RBMS3: variants seen among roughly 807,000 people sequenced by gnomAD.
RBMS3 encodes RNA binding motif single stranded interacting protein 3, also known as RNA-binding motif, single-stranded-interacting protein 3.
A neutral mutation model predicts 66.8 loss-of-function variants in RBMS3; 27 were observed. That is an observed-to-expected ratio of 0.40 (90% CI 0.30 to 0.56). The LOEUF is 0.56. Among genes scored for constraint, RBMS3 ranks in the 20% least tolerant of loss-of-function variants. The probability of loss-of-function intolerance (pLI) is 0.40; values close to 1 mark genes in which losing one functional copy is unlikely to be tolerated. For missense variants in RBMS3, 513 were observed against 549.5 expected, an observed-to-expected ratio of 0.93 and a Z score of 0.66; for synonymous variants, 188 against 183.0, an observed-to-expected ratio of 1.03 and a Z score of -0.22.
intron 1 of RBMS3, among the ~76,000 whole-genome samples, chr3:29,385,663 C>T (rs1057035013): frequency 6.6e-6 from 1 of 152,130 alleles, no homozygotes; most frequent in Non-Finnish European, 1.5e-5. Flanking sequence ...ACTGACCTTG[C>T]CATATTCTTG....
intron 14 of RBMS3, among the ~76,000 whole-genome samples, chr3:29,995,468 T>C (rs1310184332): frequency 4.6e-5 from 7 of 151,894 alleles, no homozygotes; most frequent in Admixed American, 6.6e-5. Context: ...ATTGTCAGAT[T>C]CACCAAAGTT....
At chr3:29,565,480 C>T (rs1199053518) in intron 3 of RBMS3, among the ~76,000 whole-genome samples, 1 of 152,052 alleles carries the variant, frequency 6.6e-6, no homozygotes, top group African/African-American at 2.4e-5. Context: ...TATTTTTTGT[C>T]TCTTCAAGAT....
chr3:29,415,328 A>G (rs888823005), intron 1 of RBMS3, among the ~76,000 whole-genome samples: 2 of 152,220 alleles, frequency 1.3e-5, no homozygotes, highest in Non-Finnish European at 2.9e-5. Context: ...GCATTAAATT[A>G]TTATAAATTT....
At chr3:29,708,172 A>G (rs759014353) in intron 4 of RBMS3, among the ~76,000 whole-genome samples, 6 of 149,986 alleles carry the variant, frequency 4.0e-5, no homozygotes, top group Non-Finnish European at 8.8e-5. Flanking sequence ...TACCTTATAT[A>G]AGAAGAAGAC....
At chr3:29,291,101 G>C (rs2032774617) in intron 1 of RBMS3, among the ~76,000 whole-genome samples, 1 of 151,892 alleles carries the variant, frequency 6.6e-6, no homozygotes, top group South Asian at 2.1e-4. Context: ...AGAAGACTAA[G>C]TGGAACAATG....
intron 3 of RBMS3, among the ~76,000 whole-genome samples, chr3:29,507,566 G>A (rs563408697): frequency 2.6e-5 from 4 of 152,126 alleles, no homozygotes; most frequent in Admixed American, 6.5e-5. Context: ...GATGGCTTCT[G>A]ACAATGTTTT....
rs891591243 is a variant in RBMS3 at position 30,007,686 on chromosome 3, T to C, written c.*3824T>C. On this transcript the variant is annotated 3_prime_UTR_variant, in exon 15 of 15. Transcript: ENST00000383767. The stretch of plus-strand genomic sequence containing the variant: ...GTGCTGATGACAGTTTGTCCTTGAA[T>C]GCTGACATGTCTTGAATATTGCAAA... 1 of 152,102 alleles carries C rather than the reference T, an allele frequency of 6.6e-6. No individual in the cohort carries two copies. Among genetic ancestry groups the C allele is most frequent in the Non-Finnish European group, 1.5e-5 (1 of 67,972 alleles). The allele number at this position is 152,102 out of a possible 1,614,324, so 9.4% of individuals were successfully genotyped here.
rs531689140 is a variant in RBMS3, at chr3:29,585,222, C to T, written c.308-1892C>T. On this transcript the variant is annotated intron_variant, in intron 3 of 14. Transcript: ENST00000383767. ...CAACGTGTAAGGTACAAGGTGGTTC[C>T]CATGTCAATCTCATCTTAACTCATC... Among the ~76,000 whole-genome samples the T allele has an allele frequency of 3.9e-4, 60 of 152,156 alleles. No homozygotes were observed. The South Asian group carries it at 0.012, about 31-fold the overall frequency.
chr3:29,870,554 T>A (rs552083173), intron 7 of RBMS3, among the ~76,000 whole-genome samples: 271 of 152,204 alleles, frequency 1.8e-3, no homozygotes, highest in South Asian at 6.0e-3. Flanking sequence ...GAAAATGGAA[T>A]CAATAAAGAC....
intron 5 of RBMS3, among the ~76,000 whole-genome samples, chr3:29,744,018 T>G (rs1246338193): frequency 6.6e-6 from 1 of 151,680 alleles, no homozygotes; most frequent in East Asian, 1.9e-4. Context: ...TCCTTGCAAT[T>G]ATTTGCATTT....
chr3:29,290,844 G>A (rs1029750188), intron 1 of RBMS3: 2 of 151,758 alleles, frequency 1.3e-5, no homozygotes, highest in Non-Finnish European at 2.9e-5. Context: ...AACAATAGAC[G>A]CTTTTTGAGG....
intron 4 of RBMS3, among the ~76,000 whole-genome samples, chr3:29,717,027 G>A (rs928127988): frequency 2.6e-5 from 4 of 151,856 alleles, no homozygotes; most frequent in East Asian, 1.9e-4. Context: ...CATTATTGGC[G>A]GAAGTCTGGT....
At chr3:29,871,766 T>C (rs966695177) in intron 7 of RBMS3, among the ~76,000 whole-genome samples, 8 of 152,136 alleles carry the variant, frequency 5.3e-5, no homozygotes, top group South Asian at 2.1e-4. Flanking sequence ...ACAAAACCAA[T>C]AGATTACAAG....
intron 3 of RBMS3, among the ~76,000 whole-genome samples, chr3:29,555,120 A>G (rs181502984): frequency 2.0e-4 from 30 of 152,300 alleles, no homozygotes; most frequent in African/African-American, 6.0e-4. Flanking sequence ...ATAAAAATCA[A>G]TATCTATTTA....
At chr3:29,949,048 C>A (rs1300759181) in intron 12 of RBMS3, among the ~76,000 whole-genome samples, 1 of 151,514 alleles carries the variant, frequency 6.6e-6, no homozygotes, top group African/African-American at 2.4e-5. Flanking sequence ...TGTGTTCCTG[C>A]TGGTGCATTT....
chr3:29,991,370 A>C (rs1044830173), intron 14 of RBMS3, 161 bp downstream of exon 14: 2 of 1,192,362 alleles, frequency 1.7e-6, no homozygotes, highest in Admixed American at 5.2e-5. Context: ...ATTTGGGCTA[A>C]CTTTGGGTGG....
At chr3:29,326,813 C>T (rs2035365103) in intron 1 of RBMS3, among the ~76,000 whole-genome samples, 1 of 151,856 alleles carries the variant, frequency 6.6e-6, no homozygotes, top group South Asian at 2.1e-4. Flanking sequence ...TCACTGCAAC[C>T]TCCACCTCCT....
chr3:29,408,001 G>A (rs1044336083), intron 1 of RBMS3, among the ~76,000 whole-genome samples: 1 of 152,062 alleles, frequency 6.6e-6, no homozygotes, highest in African/African-American at 2.4e-5. Flanking sequence ...GGCTGGGCAC[G>A]GTGACTCACG....
chr3:29,828,977 A>ACTTACTTT (rs1357556124), intron 6 of RBMS3, among the ~76,000 whole-genome samples: 12 of 98,704 alleles, frequency 1.2e-4, no homozygotes, highest in East Asian at 4.9e-4. Context: ...TTAGCGAGTG[A>ACTTACTTT]CTTTCTTTCT....
Sources: gnomAD v4.1 joint callset for allele counts (sites outside exome capture counted in the v4.1 genomes callset) on GRCh38, gnomAD v4.1.1 for gene constraint, MANE v1.5 for transcripts, NCBI Gene and HGNC (gene_info 2026-07-23, HGNC 2026-07-21) for gene names.